The following PAPPA2 variants were observed in gnomAD, a reference collection of about 807,000 sequenced individuals.
PAPPA2 encodes the protein pappalysin 2.
A neutral mutation model predicts 176.4 loss-of-function variants in PAPPA2; 86 were observed. The ratio of observed to expected loss-of-function variants is 0.49; its 90% CI spans 0.41 to 0.58. PAPPA2 has a LOEUF of 0.58. PAPPA2 is among the 20% of genes least tolerant of loss of function. PAPPA2 has a pLI of 0.00. For missense variants in PAPPA2, 2,073 were observed against 2,256.9 expected (o/e 0.92, Z 1.65); for synonymous variants, 809 against 852.2 (o/e 0.95, Z 0.88).
chr1:176,741,821 TTAAAA>T (rs1553401936), intron 14 of PAPPA2, among the ~76,000 whole-genome samples: 1 of 152,220 alleles, frequency 6.6e-6, no homozygotes, highest in Non-Finnish European at 1.5e-5. Context: ...ATGTAGACTA[TTAAAA>T]TAACATTTAT....
chr1:176,805,991 CAAA>C (rs11439850), intron 21 of PAPPA2, among the ~76,000 whole-genome samples: 4 of 76,598 alleles, frequency 5.2e-5, no homozygotes, highest in Admixed American at 1.7e-4. Flanking sequence ...CTGTCTCTCT[CAAA>C]AAAAAAAAAA....
chr1:176,517,035 A>G (rs58395400), intron 1 of PAPPA2, among the ~76,000 whole-genome samples: 8,284 of 152,270 alleles, frequency 0.054, 666 homozygotes, highest in African/African-American at 0.18. Flanking sequence ...TAAAATTTCA[A>G]TGTGACCAAT....
intron 17 of PAPPA2, among the ~76,000 whole-genome samples, chr1:176,777,696 C>A (rs1664522058): frequency 6.6e-6 from 1 of 151,990 alleles, no homozygotes; most frequent in Non-Finnish European, 1.5e-5. Flanking sequence ...TTCTAATTTA[C>A]AGGATAGAAA....
intron 14 of PAPPA2, among the ~76,000 whole-genome samples, chr1:176,751,298 A>G (rs939741279): frequency 6.6e-6 from 1 of 151,882 alleles, no homozygotes; most frequent in Non-Finnish European, 1.5e-5. Context: ...CTTCATGTCC[A>G]AAACACCAAA....
chr1:176,708,329 C>T (rs185840693), intron 10 of PAPPA2, among the ~76,000 whole-genome samples: 44 of 152,174 alleles, frequency 2.9e-4, no homozygotes, highest in Admixed American at 2.3e-3. Context: ...TCATCATATG[C>T]TAAGCACATA....
chr1:176,487,234 T>C (rs981325434), intron 1 of PAPPA2, among the ~76,000 whole-genome samples: 2 of 152,174 alleles, frequency 1.3e-5, no homozygotes, highest in Admixed American at 6.5e-5. Context: ...GTCAAGGCCA[T>C]CTTGACCAAA....
chr1:176,812,032 T>G lies in PAPPA2; in HGVS notation c.5202+11900T>G, dbSNP rs563600712. On this transcript the variant is annotated intron_variant, in intron 21 of 22. Coordinates refer to ENST00000367662, the MANE Select transcript of PAPPA2 (RefSeq NM_020318.3). The stretch of plus-strand genomic sequence containing the variant: ...AGAGTTTATGCTTGTCTAAAATTCC[T>G]CTGGAGCCGTGCTGTGACTTCCTGG... Among the ~76,000 whole-genome samples, 46 of 152,264 alleles carry G rather than the reference T, an allele frequency of 3.0e-4. No homozygotes were observed. The South Asian group carries it at 5.8e-3, about 19-fold the overall frequency.
chr1:176,739,959 T>C, intron 13 of PAPPA2, 21 bp from the exon 14 acceptor site: 1 of 1,609,688 alleles, frequency 6.2e-7, no homozygotes, highest in Non-Finnish European at 8.5e-7. Flanking sequence ...GAAAATATGA[T>C]TCATCTCCGT....
chr1:176,521,301 T>C (rs1051223388), intron 1 of PAPPA2, among the ~76,000 whole-genome samples: 14 of 152,208 alleles, frequency 9.2e-5, no homozygotes, highest in African/African-American at 2.7e-4. Context: ...TTCAGAAATA[T>C]ACAGCTTCTG....
At chr1:176,624,412 A>G (rs1655891401) in intron 3 of PAPPA2, among the ~76,000 whole-genome samples, 1 of 152,236 alleles carries the variant, frequency 6.6e-6, no homozygotes, top group Non-Finnish European at 1.5e-5. Context: ...AAATAGCAGA[A>G]TGCATTACAT....
chr1:176,674,633 T>C (rs1192945121), intron 4 of PAPPA2, among the ~76,000 whole-genome samples: 3 of 152,110 alleles, frequency 2.0e-5, no homozygotes, highest in Non-Finnish European at 2.9e-5. Context: ...GGTATACACA[T>C]ATACTGTATT....
intron 17 of PAPPA2, among the ~76,000 whole-genome samples, chr1:176,772,319 C>T (rs1664266493): frequency 6.6e-6 from 1 of 152,150 alleles, no homozygotes; most frequent in Non-Finnish European, 1.5e-5. Flanking sequence ...GATATGTATT[C>T]TTCTAAGATT....
chr1:176,670,485 A>C (rs1658928606), intron 3 of PAPPA2, among the ~76,000 whole-genome samples: 1 of 152,148 alleles, frequency 6.6e-6, no homozygotes, highest in African/African-American at 2.4e-5. Flanking sequence ...TATGTTTTCT[A>C]TCCTCTATTT....
At chr1:176,565,913 A>T (rs1269545705) in intron 2 of PAPPA2, among the ~76,000 whole-genome samples, 1 of 152,090 alleles carries the variant, frequency 6.6e-6, no homozygotes, top group African/African-American at 2.4e-5. Flanking sequence ...TCTTGAAGGT[A>T]TCCTCAGATG....
chr1:176,476,147 G>A (rs1251616854), intron 1 of PAPPA2, among the ~76,000 whole-genome samples: 1 of 152,160 alleles, frequency 6.6e-6, no homozygotes. Context: ...AGTTAGAAGA[G>A]GGAAAATATT....
intron 14 of PAPPA2, among the ~76,000 whole-genome samples, chr1:176,744,954 TTGAC>T (rs1470261871): frequency 6.6e-6 from 1 of 152,198 alleles, no homozygotes; most frequent in East Asian, 1.9e-4. Context: ...TCTTGTGAGA[TTGAC>T]TGAAAATAAT....
intron 15 of PAPPA2, among the ~76,000 whole-genome samples, chr1:176,768,979 C>T (rs2102910354): frequency 6.6e-6 from 1 of 152,294 alleles, no homozygotes; most frequent in Admixed American, 6.5e-5. Flanking sequence ...CAAGAGACCA[C>T]TCATAAATGT....
chr1:176,553,307 C>T (rs1344387870), intron 1 of PAPPA2, among the ~76,000 whole-genome samples: 1 of 147,210 alleles, frequency 6.8e-6, no homozygotes, highest in Non-Finnish European at 1.5e-5. Flanking sequence ...CTTCTAGTAG[C>T]TTTGTGTTTT....
chr1:176,475,173 T>C (rs973275229), intron 1 of PAPPA2, among the ~76,000 whole-genome samples: 2 of 152,178 alleles, frequency 1.3e-5, no homozygotes, highest in African/African-American at 4.8e-5. Context: ...CTGGGGTACG[T>C]GGCTCATCTA....
Sources: allele counts gnomAD v4.1 joint callset (sites outside exome capture counted in the v4.1 genomes callset), GRCh38; gene constraint gnomAD v4.1.1; transcripts MANE v1.5; gene names NCBI Gene and HGNC (gene_info 2026-07-23, HGNC 2026-07-21).